LRRC40: variants seen among roughly 807,000 people sequenced by gnomAD.
LRRC40 encodes leucine-rich repeat-containing protein 40.
LRRC40 carries 76 observed loss-of-function variants against 72.8 expected under a neutral mutation model. The observed-to-expected ratio is 1.04, with a 90% confidence interval of 0.87 to 1.26. The LOEUF is 1.26. LRRC40 is among the 50% of genes most tolerant of loss of function. The pLI is 0.00. For missense variants in LRRC40, 684 were observed against 698.9 expected (o/e 0.98, Z 0.24); for synonymous variants, 243 against 254.2 (o/e 0.96, Z 0.42).
At position 70,197,374 on chromosome 1, in the gene LRRC40, T is replaced by C. The variant is rs1402878973; in HGVS notation, c.151+8016A>G. Among the ~76,000 whole-genome samples, 3 of 152,024 alleles carry C rather than the reference T, an allele frequency of 2.0e-5. No individual in the cohort carries two copies. In the South Asian group the frequency reaches 6.2e-4, roughly 32 times the overall value. ...CTCACTGCAGCCTCGAACTCATGGC[T>C]TCAGGAGATCCTCCTGCCTCCGTCT... On this transcript the variant is annotated intron_variant, in intron 1 of 14. Transcript: ENST00000370952.
At chr1:70,171,925 T>C (rs1344430149) in intron 9 of LRRC40, among the ~76,000 whole-genome samples, 2 of 152,308 alleles carry the variant, frequency 1.3e-5, no homozygotes, top group East Asian at 1.9e-4. Flanking sequence ...TTATCTGTAA[T>C]AGCCAAAAGG....
chr1:70,169,194 G>C (rs1169760142), intron 9 of LRRC40, among the ~76,000 whole-genome samples: 4 of 152,082 alleles, frequency 2.6e-5, no homozygotes, highest in African/African-American at 7.2e-5. Flanking sequence ...CCAGCAGCAA[G>C]ACCTCGTTCC....
At chr1:70,156,329 C>A (rs950668580) in intron 10 of LRRC40, among the ~76,000 whole-genome samples, 1 of 151,996 alleles carries the variant, frequency 6.6e-6, no homozygotes, top group Non-Finnish European at 1.5e-5. Context: ...GGACCAATTT[C>A]TCTCTCCTTT....
At chr1:70,182,017 T>C (rs1352496266) in intron 4 of LRRC40, among the ~76,000 whole-genome samples, 3 of 151,974 alleles carry the variant, frequency 2.0e-5, no homozygotes, top group Non-Finnish European at 4.4e-5. Context: ...TAATATAACA[T>C]TAAACAACCT....
intron 4 of LRRC40, among the ~76,000 whole-genome samples, chr1:70,183,476 TGTTA>T (rs1455314962): frequency 1.3e-5 from 2 of 152,154 alleles, no homozygotes; most frequent in African/African-American, 2.4e-5. Context: ...TTTTGTTACT[TGTTA>T]GTTGTGTTAC....
At chr1:70,167,011 T>C (rs1296810797) in intron 9 of LRRC40, among the ~76,000 whole-genome samples, 1 of 152,116 alleles carries the variant, frequency 6.6e-6, no homozygotes, top group Non-Finnish European at 1.5e-5. Context: ...AAGGCAAAGA[T>C]ACATATATGG....
At chr1:70,161,912 A>C (rs1667773038) in intron 9 of LRRC40, among the ~76,000 whole-genome samples, 1 of 152,228 alleles carries the variant, frequency 6.6e-6, no homozygotes, top group African/African-American at 2.4e-5. Flanking sequence ...ATAAACAAAA[A>C]TTACAAAATA....
chr1:70,189,824 A>C (rs969829745), intron 1 of LRRC40, among the ~76,000 whole-genome samples: 5 of 152,250 alleles, frequency 3.3e-5, no homozygotes, highest in Non-Finnish European at 5.9e-5. Flanking sequence ...GAGCACAAAG[A>C]AAATGTATAA....
chr1:70,196,633 GA>G (rs200291851), intron 1 of LRRC40, among the ~76,000 whole-genome samples: 12 of 148,164 alleles, frequency 8.1e-5, no homozygotes, highest in Admixed American at 2.0e-4. Flanking sequence ...AGCCCTAAGC[GA>G]AAAAAAAAAT....
At chr1:70,203,563 C>G (rs531981494) in intron 1 of LRRC40, among the ~76,000 whole-genome samples, 1 of 152,284 alleles carries the variant, frequency 6.6e-6, no homozygotes, top group African/African-American at 2.4e-5. Context: ...GTAAAAACTC[C>G]AGGAAACCAA....
intron 1 of LRRC40, among the ~76,000 whole-genome samples, chr1:70,199,955 A>G (rs887023963): frequency 7.9e-5 from 12 of 152,298 alleles, no homozygotes; most frequent in Admixed American, 7.8e-4. Flanking sequence ...AAGTTTAGGT[A>G]GAGTAAACCT....
intron 4 of LRRC40, among the ~76,000 whole-genome samples, chr1:70,184,172 C>A (rs1032121308): frequency 1.3e-4 from 20 of 151,982 alleles, no homozygotes; most frequent in Non-Finnish European, 2.6e-4. Context: ...TCGCTTGAAC[C>A]TGGGAGGTGG....
chr1:70,181,173 T>A lies in LRRC40; in HGVS notation c.574A>T (p.Ser192Cys), dbSNP rs770616266. 1.3e-6 allele frequency: 2 copies of A among 1,593,774 alleles called. No individual in the cohort carries two copies. The highest frequency in any genetic ancestry group is 1.7e-6 in the Non-Finnish European group (2 of 1,171,582). ...ACCAGACTGGACAGAGAAGAAAAAC[T>A]AGCAGGAACAGTTGTAAGATGATTG... is the stretch of plus-strand genomic sequence containing the variant. The part of the protein sequence containing the change: ...SNNHLTTVPA[S>C]FSSLSSLVRL... Residue 192 changes from serine to cysteine, a missense_variant, in exon 5 of 15, where the codon AGT becomes TGT. Transcript: ENST00000370952.
chr1:70,183,474 CTTGT>C (rs1253296702), intron 4 of LRRC40, among the ~76,000 whole-genome samples: 1 of 151,590 alleles, frequency 6.6e-6, no homozygotes, highest in African/African-American at 2.4e-5. Context: ...AATTTTGTTA[CTTGT>C]TAGTTGTGTT....
chr1:70,173,554 A>G, intron 8 of LRRC40, 44 bp from the exon 9 acceptor site: 4 of 1,524,692 alleles, frequency 2.6e-6, no homozygotes, highest in Middle Eastern at 3.4e-4. Flanking sequence ...CATGCTTTGC[A>G]GTTTTACAGA....
chr1:70,177,543 A>C (rs1192686878), intron 6 of LRRC40, among the ~76,000 whole-genome samples: 1 of 152,210 alleles, frequency 6.6e-6, no homozygotes, highest in Non-Finnish European at 1.5e-5. Context: ...TGTTTAGTGC[A>C]AAACCATAAA....
At chr1:70,155,663 T>C in intron 11 of LRRC40, 26 bp downstream of exon 11, 1 of 1,103,390 alleles carries the variant, frequency 9.1e-7, no homozygotes, top group Non-Finnish European at 1.3e-6. Flanking sequence ...AGTCACAACC[T>C]ATAGACATGG....
rs1667262286 is a variant in LRRC40 at position 70,145,492 on chromosome 1, A to G, written c.*308T>C. 1 of 177,118 alleles carries G rather than the reference A, an allele frequency of 5.6e-6. No homozygotes were observed. The highest frequency in any genetic ancestry group is 2.3e-5 in the African/African-American group (1 of 42,688). 11.0% of individuals were successfully genotyped at this position (177,118 alleles called of 1,614,324 possible). A position where few individuals can be genotyped will look rare whatever the true frequency, so the allele number is the denominator to read the frequency against. On this transcript the variant is annotated 3_prime_UTR_variant, in exon 15 of 15. Coordinates refer to ENST00000370952, the MANE Select transcript of LRRC40 (RefSeq NM_017768.5). The stretch of plus-strand genomic sequence containing the variant: ...TTCATTTTTGAAAAAACTGCTTGCT[A>G]TAAGAAAATGAAAGTTAGCAGGATA...
In LRRC40 at chr1:70,155,670, A is replaced by G. The variant is rs979751595; in HGVS notation, c.1328+19T>C. ...ACAGAATGAGTCACAACCTATAGAC[A>G]TGGCATCATAGTTCTTACCTTTTTG... On this transcript the variant is annotated intron_variant, in intron 11 of 14. Coordinates refer to ENST00000370952, the MANE Select transcript of LRRC40 (RefSeq NM_017768.5). The G allele has an allele frequency of 2.1e-5, 25 of 1,171,402 alleles. No homozygotes were observed. The highest frequency in any genetic ancestry group is 2.3e-5 in the Non-Finnish European group (19 of 824,356). 72.6% of individuals were successfully genotyped at this position (1,171,402 alleles called of 1,614,324 possible).
Sources: gnomAD v4.1 joint callset for allele counts (sites outside exome capture counted in the v4.1 genomes callset) on GRCh38, gnomAD v4.1.1 for gene constraint, MANE v1.5 for transcripts, NCBI Gene and HGNC (gene_info 2026-07-23, HGNC 2026-07-21) for gene names.